The following WDPCP variants were observed in gnomAD, a reference collection of about 807,000 sequenced individuals.
The protein encoded by WDPCP is WD repeat-containing and planar cell polarity effector protein fritz homolog.
A neutral mutation model predicts 93.1 loss-of-function variants in WDPCP; 71 were observed. The observed-to-expected ratio is 0.76, with a 90% CI of 0.63 to 0.93. The LOEUF (loss-of-function observed/expected upper bound fraction) is 0.93, where lower values mean the gene tolerates loss of function less well. Ranked by LOEUF, WDPCP falls within the 40% of genes least tolerant of loss-of-function variation. The pLI is 0.00. For synonymous variants in WDPCP, 315 were observed against 315.0 expected (o/e 1.00, Z 0.00); for missense variants, 844 against 887.4 (o/e 0.95, Z 0.62).
intron 2 of WDPCP, among the ~76,000 whole-genome samples, chr2:63,773,194 C>T (rs1221931504): frequency 6.6e-6 from 1 of 151,834 alleles, no homozygotes; most frequent in African/African-American, 2.4e-5. Flanking sequence ...ATCCAAATGC[C>T]CACAACAGTA....
intron 13 of WDPCP, among the ~76,000 whole-genome samples, chr2:63,273,891 T>C (rs1682867557): frequency 6.6e-6 from 1 of 151,812 alleles, no homozygotes; most frequent in African/African-American, 2.4e-5. Flanking sequence ...CAGACTTAAA[T>C]ACAATAGTTG....
chr2:63,553,960 C>G (rs1034986635), intron 1 of WDPCP, among the ~76,000 whole-genome samples: 25 of 152,048 alleles, frequency 1.6e-4, no homozygotes, highest in African/African-American at 5.1e-4. Flanking sequence ...TTCCTAAAAC[C>G]AAGGACACTC....
At chr2:63,771,724 T>G (rs2103947643) in intron 2 of WDPCP, among the ~76,000 whole-genome samples, 1 of 152,104 alleles carries the variant, frequency 6.6e-6, no homozygotes, top group South Asian at 2.1e-4. Flanking sequence ...TTGGAGGCCC[T>G]GATGTCTATT....
intron 12 of WDPCP, among the ~76,000 whole-genome samples, chr2:63,323,805 T>C (rs1357386497): frequency 2.0e-5 from 3 of 152,158 alleles, no homozygotes; most frequent in Non-Finnish European, 4.4e-5. Flanking sequence ...AAATCCGACC[T>C]TTCTCAGTCC....
intron 1 of WDPCP, among the ~76,000 whole-genome samples, chr2:63,513,925 C>G (rs150498931): frequency 9.2e-5 from 14 of 151,672 alleles, no homozygotes; most frequent in African/African-American, 3.4e-4. Context: ...ATTTACTGTG[C>G]TTTTCTCTTG....
At chr2:63,431,072 A>C (rs1696721404) in intron 9 of WDPCP, among the ~76,000 whole-genome samples, 1 of 152,156 alleles carries the variant, frequency 6.6e-6, no homozygotes, top group African/African-American at 2.4e-5. Flanking sequence ...TTCTACTTAG[A>C]ATCTACTGTT....
At chr2:63,550,780 T>TATGTGTATATATATAC (rs1348161774) in intron 1 of WDPCP, among the ~76,000 whole-genome samples, 1,665 of 80,152 alleles carry the variant, frequency 0.021, 19 homozygotes, top group Middle Eastern at 0.035. Context: ...TGTGCATATG[T>TATGTGTATATATATAC]ACATATATAT....
At chr2:63,634,961 A>G (rs1709906060) in intron 3 of WDPCP, among the ~76,000 whole-genome samples, 1 of 152,094 alleles carries the variant, frequency 6.6e-6, no homozygotes, top group African/African-American at 2.4e-5. Context: ...TTGAGAAGAT[A>G]AAGAAAACTG....
chr2:63,786,403 G>C (rs1255427168), intron 2 of WDPCP, among the ~76,000 whole-genome samples: 1 of 152,108 alleles, frequency 6.6e-6, no homozygotes, highest in African/African-American at 2.4e-5. Flanking sequence ...GTCTTTAGGA[G>C]AATGGCTCTA....
chr2:63,340,112 G>GT (rs1322429405), intron 12 of WDPCP, among the ~76,000 whole-genome samples: 1 of 152,084 alleles, frequency 6.6e-6, no homozygotes. Flanking sequence ...ATTCATTCCT[G>GT]TTTTTTCTGT....
At chr2:63,341,848 C>G (rs1004186634) in intron 12 of WDPCP, among the ~76,000 whole-genome samples, 1 of 152,100 alleles carries the variant, frequency 6.6e-6, no homozygotes, top group African/African-American at 2.4e-5. Context: ...ATTAGTACAG[C>G]CACCCCACCT....
intron 13 of WDPCP, among the ~76,000 whole-genome samples, chr2:63,301,791 C>CTT (rs35225838): frequency 4.1e-5 from 6 of 144,816 alleles, no homozygotes; most frequent in East Asian, 2.0e-4. Context: ...AAAGGGATGC[C>CTT]TTTTTTTTTT....
At chr2:63,811,354 A>T (rs1670860043) in intron 2 of WDPCP, among the ~76,000 whole-genome samples, 1 of 152,196 alleles carries the variant, frequency 6.6e-6, no homozygotes, top group South Asian at 2.1e-4. Context: ...CACTCTAGAG[A>T]CTTTCCTCAC....
chr2:63,602,888 T>C (rs939053984), intron 3 of WDPCP, among the ~76,000 whole-genome samples: 5 of 152,096 alleles, frequency 3.3e-5, no homozygotes, highest in African/African-American at 1.2e-4. Flanking sequence ...CCCCTTTTAT[T>C]TATTCCATTG....
At chr2:63,487,215 A>G (rs1028181561) in intron 3 of WDPCP, among the ~76,000 whole-genome samples, 5 of 152,044 alleles carry the variant, frequency 3.3e-5, no homozygotes, top group African/African-American at 1.2e-4. Flanking sequence ...CAGCCTGATC[A>G]GCAGTAAAAT....
intron 1 of WDPCP, among the ~76,000 whole-genome samples, chr2:63,818,636 A>G (rs1398994162): frequency 6.6e-6 from 1 of 152,234 alleles, no homozygotes; most frequent in African/African-American, 2.4e-5. Flanking sequence ...CTATGGCTAC[A>G]TACAACACGG....
intron 15 of WDPCP, among the ~76,000 whole-genome samples, chr2:63,166,668 C>T (rs1032196644): frequency 6.6e-6 from 1 of 152,128 alleles, no homozygotes; most frequent in Admixed American, 6.6e-5. Context: ...GTTGGGATTA[C>T]AGGCATTAGC....
chr2:63,301,900 GA>G (rs1253276395), intron 13 of WDPCP, among the ~76,000 whole-genome samples: 2 of 151,648 alleles, frequency 1.3e-5, no homozygotes, highest in African/African-American at 4.8e-5. Context: ...AGACTTTAAA[GA>G]AAAAGCAGCT....
At chr2:63,374,445 T>C (rs1439191958) in intron 12 of WDPCP, among the ~76,000 whole-genome samples, 1 of 152,202 alleles carries the variant, frequency 6.6e-6, no homozygotes, top group Non-Finnish European at 1.5e-5. Flanking sequence ...AAAATCATTC[T>C]ATCTTGTTGC....
Sources: allele counts gnomAD v4.1 joint callset (sites outside exome capture counted in the v4.1 genomes callset), GRCh38; gene constraint gnomAD v4.1.1; transcripts MANE v1.5; gene names NCBI Gene and HGNC (gene_info 2026-07-23, HGNC 2026-07-21).